KRABD5: variants seen among roughly 807,000 people sequenced by gnomAD.
KRABD5 encodes KRAB domain-containing protein 5.
chr16:31,725,250 G>A, the KRABD5 span, among the ~76,000 whole-genome samples: 1 of 152,216 alleles, frequency 6.6e-6, no homozygotes, highest in African/African-American at 2.4e-5. Context: ...CAAGTAGCTG[G>A]GATTACATGC....
chr16:31,737,261 G>T, the KRABD5 span, among the ~76,000 whole-genome samples: 4 of 152,094 alleles, frequency 2.6e-5, no homozygotes, highest in Non-Finnish European at 5.9e-5. Context: ...AAATGAAATC[G>T]TCCTTGTTTA....
the KRABD5 span, chr16:31,759,193 G>A: frequency 3.0e-6 from 2 of 660,190 alleles, no homozygotes. Flanking sequence ...CAACCAAAAT[G>A]TCCATTAATA....
the KRABD5 span, among the ~76,000 whole-genome samples, chr16:31,723,995 T>A: frequency 6.6e-6 from 1 of 152,178 alleles, no homozygotes; most frequent in Non-Finnish European, 1.5e-5. Flanking sequence ...ATGCACAAAT[T>A]CCACAGATTT....
chr16:31,747,376 A>G, the KRABD5 span, among the ~76,000 whole-genome samples: 1 of 151,860 alleles, frequency 6.6e-6, no homozygotes, highest in Non-Finnish European at 1.5e-5. Context: ...CATTTTCTTA[A>G]TCCAGTCTAT....
the KRABD5 span, among the ~76,000 whole-genome samples, chr16:31,728,228 T>C: frequency 6.6e-6 from 1 of 152,258 alleles, no homozygotes; most frequent in South Asian, 2.1e-4. Context: ...CAATTTTGTT[T>C]TCTTTGAAAA....
the KRABD5 span, among the ~76,000 whole-genome samples, chr16:31,732,195 T>C: frequency 6.6e-6 from 1 of 152,248 alleles, no homozygotes; most frequent in Non-Finnish European, 1.5e-5. Flanking sequence ...TCCTTGATCT[T>C]GGGCTCCAGC....
the KRABD5 span, chr16:31,733,655 CTTTT>C: frequency 4.4e-6 from 2 of 455,400 alleles, no homozygotes; most frequent in Admixed American, 4.7e-5. Flanking sequence ...GTGTCTCTTT[CTTTT>C]TGACTATCTT....
the KRABD5 span, among the ~76,000 whole-genome samples, chr16:31,731,569 T>C: frequency 3.9e-5 from 6 of 152,178 alleles, no homozygotes; most frequent in Non-Finnish European, 5.9e-5. Flanking sequence ...AACTGATTCA[T>C]AGGGGTGCTG....
chr16:31,713,424 A>C, the KRABD5 span: 1 of 1,605,908 alleles, frequency 6.2e-7, no homozygotes, highest in Admixed American at 1.7e-5. Context: ...ACATCCCGGA[A>C]GCTGGGAAAT....
chr16:31,723,137 A>C, the KRABD5 span: 49 of 1,056,372 alleles, frequency 4.6e-5, no homozygotes, highest in East Asian at 1.3e-3. Context: ...GACAGGAAAC[A>C]GTATTTGGGG....
chr16:31,755,337 C>T, the KRABD5 span: 2 of 504,832 alleles, frequency 4.0e-6, no homozygotes, highest in Non-Finnish European at 4.1e-6. Context: ...AATTGTAGTT[C>T]ACGCCTTACT....
chr16:31,726,854 C>T, the KRABD5 span, among the ~76,000 whole-genome samples: 11 of 152,102 alleles, frequency 7.2e-5, no homozygotes, highest in Non-Finnish European at 1.0e-4. Flanking sequence ...TACACTGTAT[C>T]TGTAGATCAC....
chr16:31,713,580 G>T, the KRABD5 span: 4 of 1,260,074 alleles, frequency 3.2e-6, no homozygotes, highest in African/African-American at 6.3e-5. Flanking sequence ...CCGCAAGATG[G>T]CGGCCGGGCC....
chr16:31,738,475 T>A, the KRABD5 span, among the ~76,000 whole-genome samples: 4 of 152,174 alleles, frequency 2.6e-5, no homozygotes, highest in South Asian at 4.1e-4. Context: ...TCTTGTAACA[T>A]GTTTTGATGT....
chr16:31,715,084 C>G, the KRABD5 span, among the ~76,000 whole-genome samples: 5 of 152,216 alleles, frequency 3.3e-5, no homozygotes, highest in African/African-American at 1.2e-4. Flanking sequence ...GATCCCTGAT[C>G]AGAGAATGTT....
the KRABD5 span, chr16:31,759,835 A>C: frequency 1.3e-5 from 2 of 157,062 alleles, no homozygotes; most frequent in Non-Finnish European, 2.8e-5. Flanking sequence ...AAAAAGCTTT[A>C]CATGAATGTT....
At chr16:31,730,650 CT>C in the KRABD5 span, among the ~76,000 whole-genome samples, 2 of 151,932 alleles carry the variant, frequency 1.3e-5, no homozygotes. Context: ...TTTCTTCTTT[CT>C]TTCTTCTTCT....
At chr16:31,722,650 G>A in the KRABD5 span, 3 of 1,613,180 alleles carry the variant, frequency 1.9e-6, no homozygotes, top group South Asian at 1.1e-5. Context: ...CAGGGATGTG[G>A]CCATAGAATT....
chr16:31,718,323 CCA>C, the KRABD5 span, among the ~76,000 whole-genome samples: 1 of 152,176 alleles, frequency 6.6e-6, no homozygotes, highest in Non-Finnish European at 1.5e-5. Context: ...AGGCTGGTCT[CCA>C]CCTGGGATCC....
Sources: gnomAD v4.1 joint callset for allele counts (sites outside exome capture counted in the v4.1 genomes callset) on GRCh38, gnomAD v4.1.1 for gene constraint, MANE v1.5 for transcripts, NCBI Gene and HGNC (gene_info 2026-07-23, HGNC 2026-07-21) for gene names.